Variants in BCO1 observed in about 807,000 individuals in gnomAD.
BCO1 encodes the protein beta,beta-carotene 15,15'-dioxygenase.
BCO1 carries 54 observed loss-of-function variants against 56.3 expected under a neutral mutation model. That is an observed-to-expected ratio of 0.96 (90% CI 0.77 to 1.20). BCO1 has a LOEUF of 1.20. BCO1 is among the 50% of genes most tolerant of loss of function. The pLI is 0.00. For missense variants in BCO1, 801 were observed against 690.9 expected, an observed-to-expected ratio of 1.16 and a Z score of -1.79; for synonymous variants, 318 against 266.1, an observed-to-expected ratio of 1.20 and a Z score of -1.90.
At chr16:81,263,274 C>G (rs1906612514) in intron 4 of BCO1, 1 of 152,156 alleles carries the variant, frequency 6.6e-6, no homozygotes, top group Admixed American at 6.6e-5. Flanking sequence ...CCACACTTCA[C>G]TAATTTTTTG....
At chr16:81,247,814 C>A (rs1035434857) in intron 2 of BCO1, among the ~76,000 whole-genome samples, 2 of 152,160 alleles carry the variant, frequency 1.3e-5, no homozygotes, top group Middle Eastern at 6.8e-3. Flanking sequence ...GCATGAGCCA[C>A]CACGCCCGGC....
At chr16:81,258,521 C>T (rs1286062736) in intron 2 of BCO1, among the ~76,000 whole-genome samples, 3 of 152,176 alleles carry the variant, frequency 2.0e-5, no homozygotes, top group Non-Finnish European at 4.4e-5. Flanking sequence ...CTGAACGGGG[C>T]CCTGGGGAAA....
chr16:81,270,270 A>C lies in BCO1; in HGVS notation c.955A>C (p.Ile319Leu). ...HVNAYEEDGC[I>L]VFDVIAYEDN... Reference sequence around the variant, plus strand: ...CAACGCCTACGAAGAGGACGGCTGCATCGTGTTTGACGTCATTGCCTACGA... The same window carrying C: ...CAACGCCTACGAAGAGGACGGCTGCCTCGTGTTTGACGTCATTGCCTACGA... Residue 319 changes from isoleucine (I) to leucine (L), a missense_variant, in exon 7 of 11, where the codon ATC becomes CTC. Physicochemically the swap from Ile to Leu is conservative, Grantham distance 5. Transcript: ENST00000258168. 2 of 1,614,210 alleles carry C rather than the reference A, an allele frequency of 1.2e-6. No individual in the cohort carries two copies. The highest frequency in any genetic ancestry group is 1.7e-6 in the Non-Finnish European group (2 of 1,180,042).
intron 1 of BCO1, among the ~76,000 whole-genome samples, chr16:81,242,192 CT>C (rs796252592): frequency 0.24 from 18,789 of 79,380 alleles, 795 homozygotes; most frequent in African/African-American, 0.26. Context: ...ACTTGGCTGT[CT>C]TTTTTTTTTT....
At chr16:81,242,475 A>G (rs982130948) in intron 1 of BCO1, among the ~76,000 whole-genome samples, 2 of 152,060 alleles carry the variant, frequency 1.3e-5, no homozygotes, top group Admixed American at 1.3e-4. Flanking sequence ...TGCTAGGATA[A>G]CAGGCCTGAG....
At chr16:81,259,354 C>T (rs1286559219) in intron 2 of BCO1, among the ~76,000 whole-genome samples, 3 of 151,976 alleles carry the variant, frequency 2.0e-5, no homozygotes, top group Non-Finnish European at 2.9e-5. Flanking sequence ...ATTTGCTGGT[C>T]GTGGTGGCGC....
intron 6 of BCO1, 69 bp from the exon 7 acceptor site, chr16:81,270,090 A>G: frequency 1.2e-6 from 2 of 1,602,260 alleles, no homozygotes; most frequent in South Asian, 2.2e-5. Context: ...GGTTTTGTTC[A>G]GCCCCCAGAT....
chr16:81,281,634 G>A (rs1907887274), intron 8 of BCO1, among the ~76,000 whole-genome samples: 1 of 152,116 alleles, frequency 6.6e-6, no homozygotes, highest in African/African-American at 2.4e-5. Flanking sequence ...AAGAAAACTA[G>A]GCCTGGGAGT....
intron 2 of BCO1, 138 bp from the exon 3 acceptor site, chr16:81,259,538 C>T (rs997388187): frequency 3.0e-5 from 24 of 788,026 alleles, no homozygotes; most frequent in Admixed American, 8.1e-5. Context: ...CGAATTGTAT[C>T]GGCCCTGTGT....
In BCO1 at chr16:81,287,334, T is replaced by C. The variant is rs1379097031; in HGVS notation, c.1342T>C (p.Trp448Arg). ...CATTCTCACAAAGTCATCCTTAAAA[T>C]GGAGAGAGGACGACTGCTGGCCAGC... is the stretch of plus-strand genomic sequence containing the variant. The part of the protein sequence containing the change: ...YDILTKSSLK[W>R]REDDCWPAEP... The change falls in exon 10 of 11, where the codon TGG (tryptophan) becomes CGG (arginine). Residue 448 changes from tryptophan (W) to arginine (R), a missense_variant. Trp to Arg is a moderately radical substitution (Grantham distance 101). Coordinates refer to ENST00000258168, the MANE Select transcript of BCO1 (RefSeq NM_017429.3). 1 of 1,614,086 alleles carries C rather than the reference T, an allele frequency of 6.2e-7. No homozygotes were observed. The highest frequency in any genetic ancestry group is 1.1e-5 in the South Asian group (1 of 91,070).
intron 5 of BCO1, among the ~76,000 whole-genome samples, chr16:81,265,452 C>G (rs1906754091): frequency 6.6e-6 from 1 of 151,018 alleles, no homozygotes; most frequent in African/African-American, 2.4e-5. Flanking sequence ...CATCCACCCA[C>G]CACCCATCCA....
chr16:81,276,701 T>A (rs1907577518), intron 7 of BCO1, among the ~76,000 whole-genome samples: 1 of 152,210 alleles, frequency 6.6e-6, no homozygotes, highest in African/African-American at 2.4e-5. Flanking sequence ...CTACGAGTTG[T>A]TATTGTACAC....
chr16:81,257,285 G>C (rs563663969), intron 2 of BCO1, among the ~76,000 whole-genome samples: 3 of 152,126 alleles, frequency 2.0e-5, no homozygotes, highest in African/African-American at 7.2e-5. Flanking sequence ...TGTTTTTTGA[G>C]ACGGGGTCTC....
chr16:81,259,833 A>G lies in BCO1; in HGVS notation c.323+28A>G, dbSNP rs762307575. On this transcript the variant is annotated intron_variant, in intron 3 of 10. Transcript: ENST00000258168. ...AACTGCCTATTTTAAATCTGAGCAAATTTCATGCTTTTTGCTATCCTTGAT... is the reference window on the plus strand; with the variant it reads ...AACTGCCTATTTTAAATCTGAGCAAGTTTCATGCTTTTTGCTATCCTTGAT... 7.4e-6 allele frequency: 12 copies of G among 1,613,866 alleles called. No homozygotes were observed. In the African/African-American group the frequency reaches 1.5e-4, roughly 20 times the overall value.
At chr16:81,254,294 A>C (rs1905989008) in intron 2 of BCO1, among the ~76,000 whole-genome samples, 1 of 114,648 alleles carries the variant, frequency 8.7e-6, no homozygotes, top group African/African-American at 3.9e-5. Flanking sequence ...ACGCCCGGCT[A>C]ATTTTTTTTT....
intron 10 of BCO1, among the ~76,000 whole-genome samples, chr16:81,287,838 A>G (rs748010415): frequency 2.6e-5 from 4 of 152,178 alleles, no homozygotes; most frequent in Non-Finnish European, 5.9e-5. Context: ...ATGACGTATG[A>G]CAATACTCAC....
chr16:81,262,952 G>A (rs1372919067), intron 4 of BCO1: 1 of 156,180 alleles, frequency 6.4e-6, no homozygotes, highest in African/African-American at 2.4e-5. Context: ...TGCTCTCTCT[G>A]AAGACTCTAG....
intron 7 of BCO1, among the ~76,000 whole-genome samples, chr16:81,280,484 T>C (rs1907817066): frequency 1.3e-5 from 2 of 152,126 alleles, no homozygotes; most frequent in Admixed American, 6.6e-5. Context: ...TGTTGTAAAC[T>C]CTTTAGAAGC....
chr16:81,286,689 T>TA (rs1353333715), intron 9 of BCO1, among the ~76,000 whole-genome samples: 2 of 151,912 alleles, frequency 1.3e-5, no homozygotes, highest in African/African-American at 2.4e-5. Context: ...GTCTCTATAT[T>TA]AAAAAATAAT....
Sources: allele counts gnomAD v4.1 joint callset (sites outside exome capture counted in the v4.1 genomes callset), GRCh38; gene constraint gnomAD v4.1.1; transcripts MANE v1.5; gene names NCBI Gene and HGNC (gene_info 2026-07-23, HGNC 2026-07-21).